Variants in GABRB2 observed in about 807,000 individuals in gnomAD.
GABRB2 encodes gamma-aminobutyric acid type A receptor subunit beta2, also known as gamma-aminobutyric acid receptor subunit beta-2.
A neutral mutation model predicts 54.7 loss-of-function variants in GABRB2; 16 were observed. The observed-to-expected ratio is 0.29, with a 90% CI of 0.20 to 0.44. The LOEUF is 0.44. GABRB2 is among the 20% of genes least tolerant of loss of function. The probability of loss-of-function intolerance (pLI) is 1.00; values close to 1 mark genes in which losing one functional copy is unlikely to be tolerated. For missense variants in GABRB2, 355 were observed against 644.0 expected, an observed-to-expected ratio of 0.55 and a Z score of 4.86; for synonymous variants, 244 against 233.8, an observed-to-expected ratio of 1.04 and a Z score of -0.40.
chr5:161,404,906 G>GA (rs1363892336), intron 5 of GABRB2, among the ~76,000 whole-genome samples: 2 of 152,104 alleles, frequency 1.3e-5, no homozygotes, highest in African/African-American at 2.4e-5. Flanking sequence ...TAGAGATCAT[G>GA]TAATCCCATC....
At chr5:161,302,418 A>T (rs570294175) in intron 9 of GABRB2, among the ~76,000 whole-genome samples, 2 of 152,234 alleles carry the variant, frequency 1.3e-5, no homozygotes, top group South Asian at 4.2e-4. Flanking sequence ...AACTTTCTTC[A>T]TGGTAGGAAT....
At chr5:161,389,701 T>C (rs1420686426) in intron 5 of GABRB2, among the ~76,000 whole-genome samples, 1 of 151,724 alleles carries the variant, frequency 6.6e-6, no homozygotes, top group East Asian at 1.9e-4. Flanking sequence ...GCTGAGGAAA[T>C]CTTTTTTCTA....
At chr5:161,410,887 G>T in intron 5 of GABRB2, 88 bp downstream of exon 5, 1 of 953,026 alleles carries the variant, frequency 1.0e-6, no homozygotes, top group Non-Finnish European at 1.6e-6. Context: ...TGCAGGGCCT[G>T]TGGTCTGGAC....
intron 5 of GABRB2, among the ~76,000 whole-genome samples, chr5:161,387,034 G>A (rs922126187): frequency 6.6e-6 from 1 of 151,878 alleles, no homozygotes; most frequent in African/African-American, 2.4e-5. Flanking sequence ...CTGGGGAACG[G>A]GGGGGAGGAA....
At chr5:161,345,139 C>T (rs529798090) in intron 5 of GABRB2, among the ~76,000 whole-genome samples, 2 of 151,932 alleles carry the variant, frequency 1.3e-5, no homozygotes, top group Non-Finnish European at 2.9e-5. Flanking sequence ...ACGTGTATAC[C>T]TATCTAACAA....
chr5:161,471,698 A>G (rs1482653868), intron 3 of GABRB2, among the ~76,000 whole-genome samples: 9 of 151,986 alleles, frequency 5.9e-5, no homozygotes. Context: ...CAGCCCTATA[A>G]CTGCCTATCT....
chr5:161,299,994 T>A (rs1404399812), intron 9 of GABRB2, among the ~76,000 whole-genome samples: 2 of 152,188 alleles, frequency 1.3e-5, no homozygotes, highest in Non-Finnish European at 2.9e-5. Context: ...AGAACATAGG[T>A]GCTGCTAAAT....
At chr5:161,459,502 G>C in intron 4 of GABRB2, 122 bp downstream of exon 4, 2 of 819,526 alleles carry the variant, frequency 2.4e-6, no homozygotes, top group Non-Finnish European at 4.1e-6. Flanking sequence ...TGGATAGGAG[G>C]CTTAACTGTT....
At chr5:161,467,006 GAC>G (rs1758300214) in intron 3 of GABRB2, among the ~76,000 whole-genome samples, 1 of 152,042 alleles carries the variant, frequency 6.6e-6, no homozygotes, top group Non-Finnish European at 1.5e-5. Flanking sequence ...GCCATTTAAA[GAC>G]ATAAAGACAC....
At chr5:161,401,785 C>T (rs557789852) in intron 5 of GABRB2, among the ~76,000 whole-genome samples, 6 of 152,160 alleles carry the variant, frequency 3.9e-5, no homozygotes, top group South Asian at 2.1e-4. Context: ...TTCTCTATGA[C>T]GTGCAAACTG....
At chr5:161,390,499 A>G (rs1755786341) in intron 5 of GABRB2, among the ~76,000 whole-genome samples, 1 of 152,074 alleles carries the variant, frequency 6.6e-6, no homozygotes, top group African/African-American at 2.4e-5. Flanking sequence ...GGATTCCATT[A>G]GTGGAAAACC....
intron 3 of GABRB2, among the ~76,000 whole-genome samples, chr5:161,480,626 A>C (rs1191841370): frequency 2.6e-5 from 4 of 152,062 alleles, no homozygotes; most frequent in African/African-American, 9.7e-5. Flanking sequence ...AATAACAGCT[A>C]TTATGGAAAC....
chr5:161,530,878 C>T (rs573783388), intron 3 of GABRB2, among the ~76,000 whole-genome samples: 1 of 152,246 alleles, frequency 6.6e-6, no homozygotes, highest in South Asian at 2.1e-4. Flanking sequence ...CAAATGTGCA[C>T]AGCCTCCCAG....
At chr5:161,412,409 T>C (rs1756541303) in intron 4 of GABRB2, among the ~76,000 whole-genome samples, 1 of 152,116 alleles carries the variant, frequency 6.6e-6, no homozygotes, top group Non-Finnish European at 1.5e-5. Flanking sequence ...TTCCTTACCA[T>C]CTCCACTGCC....
At chr5:161,432,155 A>G (rs185335448) in intron 4 of GABRB2, among the ~76,000 whole-genome samples, 3 of 152,302 alleles carry the variant, frequency 2.0e-5, no homozygotes, top group Admixed American at 1.3e-4. Context: ...CTCAGTCTCC[A>G]TCCTTTGCAT....
chr5:161,341,108 A>G lies in GABRB2; in HGVS notation c.542-4339T>C, dbSNP rs1043726939. 2.6e-5 allele frequency among the ~76,000 whole-genome samples: 4 copies of G among 152,048 alleles called. No individual in the cohort carries two copies. The East Asian group carries it at 7.7e-4, about 29-fold the overall frequency. On this transcript the variant is annotated intron_variant, in intron 5 of 9. Coordinates refer to ENST00000393959, the MANE Select transcript of GABRB2 (RefSeq NM_001371727.1). ...GAGCAACGAGCTCCATGACAGTTCCAGGGTGGTCAAGTTAAAAGCCAACTC... is the reference window on the plus strand; with the variant it reads ...GAGCAACGAGCTCCATGACAGTTCCGGGGTGGTCAAGTTAAAAGCCAACTC...
chr5:161,356,644 C>T, intron 5 of GABRB2, among the ~76,000 whole-genome samples: 1 of 152,210 alleles, frequency 6.6e-6, no homozygotes, highest in African/African-American at 2.4e-5. Flanking sequence ...ACAGAGAGAA[C>T]ATAGCTGCCT....
chr5:161,400,164 CA>C (rs564298729), intron 5 of GABRB2, among the ~76,000 whole-genome samples: 2 of 152,188 alleles, frequency 1.3e-5, no homozygotes, highest in African/African-American at 2.4e-5. Context: ...AACTATCAAA[CA>C]AAAACAACAG....
At chr5:161,455,284 G>A (rs900515199) in intron 4 of GABRB2, among the ~76,000 whole-genome samples, 1 of 152,062 alleles carries the variant, frequency 6.6e-6, no homozygotes, top group Non-Finnish European at 1.5e-5. Context: ...CCCCTCTCCG[G>A]ATAATGGATC....
Sources: allele counts gnomAD v4.1 joint callset (sites outside exome capture counted in the v4.1 genomes callset), GRCh38; gene constraint gnomAD v4.1.1; transcripts MANE v1.5; gene names NCBI Gene and HGNC (gene_info 2026-07-23, HGNC 2026-07-21).